The following DMTN variants were observed in gnomAD, a reference collection of about 807,000 sequenced individuals.
DMTN encodes dematin.
Under a neutral mutation model 59.4 loss-of-function variants are expected in DMTN, and 27 were observed. The ratio of observed to expected loss-of-function variants is 0.45; its 90% confidence interval spans 0.33 to 0.63. DMTN has a LOEUF of 0.63. DMTN is among the 20% of genes least tolerant of loss of function. The pLI is 0.02. For missense variants in DMTN, 451 were observed against 528.9 expected (o/e 0.85, Z 1.45); for synonymous variants, 221 against 203.7 (o/e 1.08, Z -0.72).
At chr8:22,081,252 G>T (rs1824098000) in intron 15 of DMTN, 59 bp downstream of exon 15, 2 of 1,607,726 alleles carry the variant, frequency 1.2e-6, no homozygotes, top group Admixed American at 3.3e-5. Context: ...TCTCCTGCCT[G>T]GGGGAAGATC....
intron 1 of DMTN, 31 bp downstream of exon 1, chr8:22,057,167 C>T (rs908952928): frequency 6.6e-6 from 1 of 152,384 alleles, no homozygotes; most frequent in Admixed American, 6.5e-5. Context: ...CTCTCCTCCC[C>T]TCTGTGGGCA....
chr8:22,076,779 CAT>C (rs754118207), intron 10 of DMTN, among the ~76,000 whole-genome samples: 7 of 151,030 alleles, frequency 4.6e-5, no homozygotes, highest in Non-Finnish European at 7.4e-5. Context: ...CACACATATA[CAT>C]ATATATATAT....
At chr8:22,056,760 G>A (rs1258972443), upstream of DMTN, 3 of 152,360 alleles carry the variant, frequency 2.0e-5, no homozygotes, top group East Asian at 1.9e-4. Flanking sequence ...TGGAAGTGGG[G>A]AGGGCGCGGG....
upstream of DMTN, among the ~76,000 whole-genome samples, chr8:22,049,561 C>T (rs1801120978): frequency 9.1e-6 from 1 of 110,116 alleles, no homozygotes; most frequent in Admixed American, 9.1e-5. Context: ...GTCTTCCTCG[C>T]AGGGACAACC....
At chr8:22,052,225 A>G (rs1445563076), upstream of DMTN, among the ~76,000 whole-genome samples, 1 of 152,216 alleles carries the variant, frequency 6.6e-6, no homozygotes, top group African/African-American at 2.4e-5. Flanking sequence ...GTCATGATGT[A>G]TGTGCTTGTC....
chr8:22,069,852 C>T (rs747192135), intron 6 of DMTN, 29 bp from the exon 7 acceptor site: 3 of 1,612,202 alleles, frequency 1.9e-6, no homozygotes, highest in Non-Finnish European at 2.5e-6. Flanking sequence ...TCAGCATGTC[C>T]TCCTCCTCAT....
chr8:22,066,324 C>T (rs1002851486), intron 1 of DMTN, among the ~76,000 whole-genome samples: 2 of 152,158 alleles, frequency 1.3e-5, no homozygotes. Flanking sequence ...GTTAACCCTT[C>T]CTGGGCGAGC....
intron 4 of DMTN, among the ~76,000 whole-genome samples, chr8:22,068,073 G>A (rs554887092): frequency 1.4e-4 from 22 of 152,318 alleles, no homozygotes; most frequent in African/African-American, 5.3e-4. Flanking sequence ...CCACGCGCAA[G>A]GTAGTGAAGG....
chr8:22,081,558 G>T lies in DMTN; in HGVS notation c.*95G>T, dbSNP rs974362795. 1.8e-6 allele frequency: 2 copies of T among 1,097,338 alleles called. No homozygotes were observed. Among genetic ancestry groups the T allele is most frequent in the Non-Finnish European group, 2.8e-6 (2 of 725,454 alleles). The allele number at this position is 1,097,338 out of a possible 1,614,324, so 68.0% of individuals were successfully genotyped here. The stretch of plus-strand genomic sequence containing the variant: ...AGGGGCAGGAGGTGGGGTGGAAATA[G>T]GGTGGGCTCCTTTCCTCAGGTAGAG... On this transcript the variant is annotated 3_prime_UTR_variant, in exon 16 of 16. Coordinates refer to ENST00000358242, the MANE Select transcript of DMTN (RefSeq NM_001387751.1).
chr8:22,070,102 G>C, intron 7 of DMTN, 80 bp from the exon 8 acceptor site: 1 of 1,543,752 alleles, frequency 6.5e-7, no homozygotes, highest in Non-Finnish European at 8.8e-7. Context: ...GGACCTCACA[G>C]GTGTGAGGGG....
intron 10 of DMTN, among the ~76,000 whole-genome samples, chr8:22,076,614 G>A (rs1420799728): frequency 6.6e-6 from 1 of 150,540 alleles, no homozygotes; most frequent in East Asian, 2.0e-4. Context: ...ATATATATAT[G>A]TCACTATATA....
At chr8:22,079,365 C>G (rs1414006348) in intron 10 of DMTN, among the ~76,000 whole-genome samples, 1 of 145,822 alleles carries the variant, frequency 6.9e-6, no homozygotes, top group Admixed American at 7.0e-5. Context: ...TGGGGAGAAT[C>G]ACTTGAGCCT....
Position 22,080,478 on chromosome 8 carries a change from G to A in DMTN, c.949+18G>A. 6.2e-7 allele frequency: 1 copy of A among 1,614,262 alleles called. No homozygotes were observed. Among genetic ancestry groups the A allele is most frequent in the Non-Finnish European group, 8.5e-7 (1 of 1,180,054 alleles). ...AAGCCCAGGTGAGAAGTGGGGCCTG[G>A]TGCCGGGGTCTGGAGAAGGGGCTTA... On this transcript the variant is annotated intron_variant, in intron 12 of 15. Coordinates refer to ENST00000358242, the MANE Select transcript of DMTN (RefSeq NM_001387751.1).
upstream of DMTN, among the ~76,000 whole-genome samples, chr8:22,053,249 T>C (rs1471461505): frequency 6.6e-6 from 1 of 151,532 alleles, no homozygotes; most frequent in Non-Finnish European, 1.5e-5. Context: ...AGGGAGGAGA[T>C]GGTGAGGGGC....
intron 1 of DMTN, among the ~76,000 whole-genome samples, chr8:22,061,463 A>G (rs13267635): frequency 0.051 from 7,709 of 152,174 alleles, 302 homozygotes; most frequent in Non-Finnish European, 0.066. Flanking sequence ...ACGTGTGAGT[A>G]TGGGGATATA....
chr8:22,072,409 A>G lies in DMTN; in HGVS notation c.688A>G (p.Met230Val). ...EEEDDDSGEE[M>V]KALRERQREE... ...GGAAGATGACGACTCTGGAGAGGAG[A>G]TGAAGGCTCTCAGGGAGCGTCAGAG... is the stretch of plus-strand genomic sequence containing the variant. The change falls in exon 9 of 16, where the codon ATG becomes GTG. Residue 230 changes from methionine (M) to valine (V), a missense_variant. Coordinates refer to ENST00000358242, the MANE Select transcript of DMTN (RefSeq NM_001387751.1). 1 of 1,593,948 alleles carries G rather than the reference A, an allele frequency of 6.3e-7. No individual in the cohort carries two copies. Among genetic ancestry groups the G allele is most frequent in the Non-Finnish European group, 8.6e-7 (1 of 1,169,364 alleles).
intron 9 of DMTN, among the ~76,000 whole-genome samples, chr8:22,073,497 G>A (rs1167242833): frequency 6.6e-6 from 1 of 151,500 alleles, no homozygotes; most frequent in Admixed American, 6.6e-5. Flanking sequence ...TGGGTGTGGT[G>A]GTGCATGCCT....
chr8:22,070,141 C>G (rs376842494), intron 7 of DMTN, 41 bp from the exon 8 acceptor site: 3 of 1,557,428 alleles, frequency 1.9e-6, no homozygotes, highest in Admixed American at 3.7e-5. Context: ...AAGTTGGCCT[C>G]GGGCAGGGCA....
In DMTN at chr8:22,081,585, G is replaced by C. The variant is rs983340888; in HGVS notation, c.*122G>C. ...GTGGGCTCCTTTCCTCAGGTAGAGT[G>C]GGGGGCCAAAACCTCTGCAGTCCCC... On this transcript the variant is annotated 3_prime_UTR_variant, in exon 16 of 16. Coordinates refer to ENST00000358242, the MANE Select transcript of DMTN (RefSeq NM_001387751.1). 244 of 806,500 alleles carry C rather than the reference G, an allele frequency of 3.0e-4. 2 individuals are homozygous for C. The highest frequency in any genetic ancestry group is 1.1e-4 in the Non-Finnish European group (54 of 487,036). 50.0% of individuals were successfully genotyped at this position (806,500 alleles called of 1,614,324 possible).
Sources: allele counts gnomAD v4.1 joint callset (sites outside exome capture counted in the v4.1 genomes callset), GRCh38; gene constraint gnomAD v4.1.1; transcripts MANE v1.5; gene names NCBI Gene and HGNC (gene_info 2026-07-23, HGNC 2026-07-21).